ANO3: variants seen among roughly 807,000 people sequenced by gnomAD.
ANO3 encodes the protein anoctamin 3, also known as anoctamin-3.
Under a neutral mutation model 144.8 loss-of-function variants are expected in ANO3, and 99 were observed. That is an observed-to-expected ratio of 0.68 (90% CI 0.58 to 0.81). ANO3 has a LOEUF of 0.81. ANO3 is among the 30% of genes least tolerant of loss of function. The pLI is 0.00. For missense variants in ANO3, 905 were observed against 1,202.2 expected, an observed-to-expected ratio of 0.75 and a Z score of 3.66; for synonymous variants, 414 against 392.6, an observed-to-expected ratio of 1.05 and a Z score of -0.64.
At chr11:26,569,302 GAA>G (rs1850725217) in intron 14 of ANO3, among the ~76,000 whole-genome samples, 1 of 152,120 alleles carries the variant, frequency 6.6e-6, no homozygotes, top group African/African-American at 2.4e-5. Context: ...GAGAGAAATG[GAA>G]GAGAGGGGTA....
At chr11:26,436,213 G>T (rs180793041) in intron 1 of ANO3, among the ~76,000 whole-genome samples, 1 of 152,172 alleles carries the variant, frequency 6.6e-6, no homozygotes, top group Non-Finnish European at 1.5e-5. Context: ...CACTGTTCCC[G>T]TGGATTCTCC....
chr11:26,367,625 G>A (rs1030446482), intron 1 of ANO3, among the ~76,000 whole-genome samples: 1 of 152,078 alleles, frequency 6.6e-6, no homozygotes, highest in African/African-American at 2.4e-5. Flanking sequence ...AAATTTCTGT[G>A]TCAGGTTGTT....
chr11:26,272,439 A>C (rs975302212), intron 1 of ANO3, among the ~76,000 whole-genome samples: 9 of 152,182 alleles, frequency 5.9e-5, no homozygotes, highest in African/African-American at 2.2e-4. Flanking sequence ...TACCTTTTTA[A>C]ACTTGTAAGT....
At chr11:26,527,992 T>A (rs1364676464) in intron 7 of ANO3, among the ~76,000 whole-genome samples, 1 of 152,176 alleles carries the variant, frequency 6.6e-6, no homozygotes, top group African/African-American at 2.4e-5. Context: ...TTTTCAATTT[T>A]CATAGAATTA....
chr11:26,441,460 C>T (rs542769049), intron 1 of ANO3, among the ~76,000 whole-genome samples: 13 of 152,080 alleles, frequency 8.5e-5, no homozygotes, highest in Non-Finnish European at 1.9e-4. Context: ...TCTTTCCAGC[C>T]TCTAAGTCAC....
chr11:26,536,107 A>G (rs1849501814), intron 9 of ANO3, among the ~76,000 whole-genome samples: 1 of 112,620 alleles, frequency 8.9e-6, no homozygotes. Context: ...ATCACCTGAG[A>G]TCAGGGGTTC....
chr11:26,422,162 G>A (rs941052543), intron 1 of ANO3, among the ~76,000 whole-genome samples: 2 of 152,090 alleles, frequency 1.3e-5, no homozygotes, highest in Middle Eastern at 3.4e-3. Flanking sequence ...GTTTCCTTAG[G>A]ATGAGTTAAT....
chr11:26,625,143 A>T (rs756622395), intron 18 of ANO3, among the ~76,000 whole-genome samples: 9 of 151,936 alleles, frequency 5.9e-5, no homozygotes, highest in East Asian at 3.9e-4. Flanking sequence ...GCCAGGATGG[A>T]CTCAATTTCC....
intron 1 of ANO3, among the ~76,000 whole-genome samples, chr11:26,418,346 G>A (rs1401904103): frequency 6.6e-6 from 1 of 152,042 alleles, no homozygotes; most frequent in African/African-American, 2.4e-5. Flanking sequence ...GGAAGAGACT[G>A]GAACGTATTT....
chr11:26,290,389 G>A (rs1022773118), intron 1 of ANO3, among the ~76,000 whole-genome samples: 2 of 151,916 alleles, frequency 1.3e-5, no homozygotes, highest in East Asian at 3.9e-4. Flanking sequence ...TTTTTGAAGG[G>A]ATTTTGTGTC....
chr11:26,404,885 A>G (rs1166368440), intron 1 of ANO3, among the ~76,000 whole-genome samples: 1 of 151,100 alleles, frequency 6.6e-6, no homozygotes, highest in Non-Finnish European at 1.5e-5. Flanking sequence ...TAAATCTTGG[A>G]AGATTTGCTA....
At chr11:26,643,601 C>T (rs1243036034) in intron 23 of ANO3, among the ~76,000 whole-genome samples, 1 of 151,758 alleles carries the variant, frequency 6.6e-6, no homozygotes, top group African/African-American at 2.4e-5. Flanking sequence ...ACTAAAAATA[C>T]AAAATTAGCC....
chr11:26,308,505 A>G (rs984455902), upstream of ANO3, among the ~76,000 whole-genome samples: 2 of 152,214 alleles, frequency 1.3e-5, no homozygotes, highest in Non-Finnish European at 2.9e-5. Context: ...ATTTAAGCAG[A>G]TATTTTACAG....
At chr11:26,502,040 A>G (rs911714828) in intron 4 of ANO3, among the ~76,000 whole-genome samples, 5 of 152,210 alleles carry the variant, frequency 3.3e-5, no homozygotes, top group Non-Finnish European at 7.3e-5. Flanking sequence ...TTTCAAAATT[A>G]TACGTAAAGG....
intron 1 of ANO3, among the ~76,000 whole-genome samples, chr11:26,238,099 G>A (rs1000786380): frequency 1.3e-5 from 2 of 152,066 alleles, no homozygotes; most frequent in Non-Finnish European, 2.9e-5. Context: ...ATTACCCCAT[G>A]TGTGTTGTGC....
chr11:26,497,576 G>C (rs985461783), intron 4 of ANO3, among the ~76,000 whole-genome samples: 1 of 151,998 alleles, frequency 6.6e-6, no homozygotes, highest in African/African-American at 2.4e-5. Flanking sequence ...AAATAGAAAT[G>C]CACTAGTATC....
chr11:26,602,878 G>A (rs1256138272), intron 17 of ANO3, among the ~76,000 whole-genome samples: 1 of 152,018 alleles, frequency 6.6e-6, no homozygotes, highest in East Asian at 1.9e-4. Flanking sequence ...TGTAATTACT[G>A]TGCTGGTAAG....
intron 1 of ANO3, among the ~76,000 whole-genome samples, chr11:26,333,159 G>A (rs541773750): frequency 1.1e-4 from 16 of 152,244 alleles, no homozygotes; most frequent in South Asian, 4.1e-4. Flanking sequence ...TGCCTTAGAT[G>A]TGTGAATTCT....
Position 26,656,217 on chromosome 11 carries a change from A to G in ANO3, c.2657+12A>G. ...TCTGGTTATTGCAGGTACTTATAAT[A>G]GTTATCTTTCCTGCTTGCTTTCACC... On this transcript the variant is annotated intron_variant, in intron 25 of 26. Coordinates refer to ENST00000256737, the MANE Select transcript of ANO3 (RefSeq NM_031418.4). 1 of 1,605,740 alleles carries G rather than the reference A, an allele frequency of 6.2e-7. No homozygotes were observed. The highest frequency in any genetic ancestry group is 8.5e-7 in the Non-Finnish European group (1 of 1,172,770).
Sources: gnomAD v4.1 joint callset for allele counts (sites outside exome capture counted in the v4.1 genomes callset) on GRCh38, gnomAD v4.1.1 for gene constraint, MANE v1.5 for transcripts, NCBI Gene and HGNC (gene_info 2026-07-23, HGNC 2026-07-21) for gene names.